Variants in TJP1 observed in about 807,000 individuals in gnomAD.
TJP1 encodes the protein tight junction protein ZO-1.
Under a neutral mutation model 194.2 loss-of-function variants are expected in TJP1, and 43 were observed. The ratio of observed to expected loss-of-function variants is 0.22; its 90% CI spans 0.17 to 0.29. The LOEUF (loss-of-function observed/expected upper bound fraction) is 0.29, where lower values mean the gene tolerates loss of function less well. Among genes scored for constraint, TJP1 ranks in the 10% least tolerant of loss-of-function variants. The pLI is 1.00. For missense variants in TJP1, 1,971 were observed against 2,185.7 expected (o/e 0.90, Z 1.96); for synonymous variants, 801 against 779.0 (o/e 1.03, Z -0.47).
chr15:29,710,485 G>C (rs560445777), intron 24 of TJP1, among the ~76,000 whole-genome samples: 1 of 152,220 alleles, frequency 6.6e-6, no homozygotes, highest in East Asian at 1.9e-4. Context: ...AAGGTGTATG[G>C]GATACATTTT....
intron 2 of TJP1, among the ~76,000 whole-genome samples, chr15:29,848,530 G>C (rs1050960312): frequency 2.0e-5 from 3 of 152,192 alleles, no homozygotes; most frequent in African/African-American, 7.2e-5. Context: ...AAGTTGACTA[G>C]AGACAAATTT....
chr15:29,940,087 G>A (rs2055017092), intron 2 of TJP1, among the ~76,000 whole-genome samples: 3 of 152,270 alleles, frequency 2.0e-5, no homozygotes, highest in South Asian at 4.2e-4. Flanking sequence ...ATATTCTGGG[G>A]GAAGACTGGG....
chr15:29,732,835 A>G lies in TJP1; in HGVS notation c.1737-20T>C. On this transcript the variant is annotated intron_variant, in intron 13 of 27. Coordinates refer to ENST00000614355, the MANE Select transcript of TJP1 (RefSeq NM_001330239.4). The stretch of plus-strand genomic sequence containing the variant: ...TCAGCTCTACACAAGAAAGGAGAAA[A>G]TTAAAATAAGGGCATTTAAAATGCA... 1 of 1,557,178 alleles carries G rather than the reference A, an allele frequency of 6.4e-7. No individual in the cohort carries two copies. The highest frequency in any genetic ancestry group is 1.7e-4 in the Middle Eastern group (1 of 5,772).
At chr15:29,941,075 A>C (rs560427720) in intron 2 of TJP1, among the ~76,000 whole-genome samples, 1 of 152,318 alleles carries the variant, frequency 6.6e-6, no homozygotes, top group African/African-American at 2.4e-5. Context: ...AATGTATTAA[A>C]AAAAAATTAC....
chr15:29,900,453 C>T (rs2053601719), intron 2 of TJP1, among the ~76,000 whole-genome samples: 1 of 152,134 alleles, frequency 6.6e-6, no homozygotes, highest in Non-Finnish European at 1.5e-5. Flanking sequence ...TACTAGGAGG[C>T]TACTTCAACA....
chr15:29,849,910 G>C (rs1190100787), intron 2 of TJP1, among the ~76,000 whole-genome samples: 1 of 152,126 alleles, frequency 6.6e-6, no homozygotes, highest in African/African-American at 2.4e-5. Flanking sequence ...GAATAAGGCA[G>C]AAGTGATGGC....
chr15:29,823,818 T>A (rs531917368), upstream of TJP1: 1 of 152,294 alleles, frequency 6.6e-6, no homozygotes, highest in Admixed American at 6.5e-5. Flanking sequence ...CCAGGCGTGG[T>A]GGCTCACGCC....
chr15:29,829,518 C>A (rs2050772290), intron 2 of TJP1, among the ~76,000 whole-genome samples: 1 of 151,726 alleles, frequency 6.6e-6, no homozygotes, highest in Non-Finnish European at 1.5e-5. Flanking sequence ...GAAAGAACTG[C>A]TGTGAGACAT....
Position 29,733,304 on chromosome 15 carries a change from C to T in TJP1, c.1526G>A (p.Arg509His), listed in dbSNP as rs776245658. The change falls in exon 13 of 28, where the codon CGC becomes CAC. Residue 509 changes from arginine to histidine, a missense_variant. Transcript: ENST00000614355. ...LAQKKKDVYR[R>H]IVESDVGDSF... ...ATCTCCTACATCTGATTCTACAATGCGACGATAAACTAAAAGGAATAAAAA... is the reference window on the plus strand; with the variant it reads ...ATCTCCTACATCTGATTCTACAATGTGACGATAAACTAAAAGGAATAAAAA... The T allele has an allele frequency of 4.4e-6, 7 of 1,605,920 alleles. No homozygotes were observed. Among genetic ancestry groups the T allele is most frequent in the South Asian group, 1.1e-5 (1 of 90,442 alleles).
chr15:29,766,251 G>T lies in TJP1; in HGVS notation c.589+15C>A, dbSNP rs755100072. On this transcript the variant is annotated intron_variant, in intron 5 of 27. Transcript: ENST00000614355. ...TTTTCATGTGAAAAAAACAGCAAGAGTTGGCAGAGAATACCTTCATTTTTC... is the reference window on the plus strand; with the variant it reads ...TTTTCATGTGAAAAAAACAGCAAGATTTGGCAGAGAATACCTTCATTTTTC... 6.2e-7 allele frequency: 1 copy of T among 1,603,094 alleles called. No individual in the cohort carries two copies. Among genetic ancestry groups the T allele is most frequent in the South Asian group, 1.1e-5 (1 of 89,064 alleles).
At chr15:29,920,206 A>G (rs1345328632) in intron 2 of TJP1, among the ~76,000 whole-genome samples, 1 of 152,232 alleles carries the variant, frequency 6.6e-6, no homozygotes, top group Non-Finnish European at 1.5e-5. Context: ...TGCTAGGTCA[A>G]AACCAAACGT....
At chr15:29,801,711 T>C (rs2048800244) in intron 1 of TJP1, among the ~76,000 whole-genome samples, 1 of 151,816 alleles carries the variant, frequency 6.6e-6, no homozygotes, top group Admixed American at 6.6e-5. Flanking sequence ...TCCGCCCGCC[T>C]CGGCCTCCCA....
At chr15:29,829,513 A>G (rs927597964) in intron 2 of TJP1, among the ~76,000 whole-genome samples, 1 of 152,100 alleles carries the variant, frequency 6.6e-6, no homozygotes. Context: ...TTTATGAAAG[A>G]ACTGCTGTGA....
At chr15:29,894,366 G>A (rs2053410446) in intron 2 of TJP1, among the ~76,000 whole-genome samples, 1 of 152,182 alleles carries the variant, frequency 6.6e-6, no homozygotes, top group Non-Finnish European at 1.5e-5. Context: ...GACGGAGGCA[G>A]GAGAATCACT....
rs369776429 is a variant in TJP1, at chr15:29,701,591, A to C, written c.*4T>G. On this transcript the variant is annotated 3_prime_UTR_variant, in exon 28 of 28. Coordinates refer to ENST00000614355, the MANE Select transcript of TJP1 (RefSeq NM_001330239.4). ...ACATTATTTAAGTTCCTATATTTCA[A>C]GAGTTAAAAGTGGTCAATAAGGACA... The C allele has an allele frequency of 1.9e-6, 3 of 1,607,956 alleles. No individual in the cohort carries two copies. In the African/African-American group the frequency reaches 4.0e-5, roughly 21 times the overall value.
chr15:29,951,202 CTG>C (rs1205687648), intron 2 of TJP1, among the ~76,000 whole-genome samples: 1 of 151,830 alleles, frequency 6.6e-6, no homozygotes, highest in Admixed American at 6.6e-5. Flanking sequence ...GAGTCTTGCT[CTG>C]TCACCCAGGC....
intron 2 of TJP1, among the ~76,000 whole-genome samples, chr15:29,879,316 C>A (rs188238814): frequency 3.3e-5 from 5 of 152,200 alleles, no homozygotes; most frequent in African/African-American, 1.2e-4. Flanking sequence ...AACAGACGGA[C>A]GGCAAGGCTC....
intron 23 of TJP1, among the ~76,000 whole-genome samples, chr15:29,712,393 G>C (rs928595541): frequency 6.6e-6 from 1 of 152,214 alleles, no homozygotes; most frequent in Non-Finnish European, 1.5e-5. Flanking sequence ...GTCATAGCTA[G>C]TGTAAGAGCC....
At chr15:29,860,596 T>C (rs572378723) in intron 2 of TJP1, among the ~76,000 whole-genome samples, 2 of 152,326 alleles carry the variant, frequency 1.3e-5, no homozygotes, top group South Asian at 2.1e-4. Context: ...GTATCACATG[T>C]ATTAATACTT....
Sources: allele counts gnomAD v4.1 joint callset (sites outside exome capture counted in the v4.1 genomes callset), GRCh38; gene constraint gnomAD v4.1.1; transcripts MANE v1.5; gene names NCBI Gene and HGNC (gene_info 2026-07-23, HGNC 2026-07-21).